ATP11C: variants seen among roughly 807,000 people sequenced by gnomAD.
The protein encoded by ATP11C is ATPase phospholipid transporting 11C (ATP11C blood group), also known as phospholipid-transporting ATPase IG.
In ATP11C, 36 loss-of-function variants were observed where a neutral mutation model predicts 97.4. The ratio of observed to expected loss-of-function variants is 0.37; its 90% CI spans 0.28 to 0.49. ATP11C has a LOEUF of 0.49. ATP11C is among the 20% of genes least tolerant of loss of function. ATP11C has a pLI of 0.98. For missense variants in ATP11C, 730 were observed against 824.6 expected (o/e 0.89, Z 1.40); for synonymous variants, 275 against 290.9 (o/e 0.95, Z 0.56).
In ATP11C at chrX:139,932,683, C is replaced by G. The variant is rs1321878425; in HGVS notation, c.-641G>C. 1.8e-5 allele frequency: 2 copies of G among 112,657 alleles called. No homozygotes were observed. Among genetic ancestry groups the G allele is most frequent in the Non-Finnish European group, 3.7e-5 (2 of 53,477 alleles). 9.3% of individuals were successfully genotyped at this position (112,657 alleles called of 1,213,427 possible). A position where few individuals can be genotyped will look rare whatever the true frequency, so the allele number is the denominator to read the frequency against. On this transcript the variant is annotated 5_prime_UTR_variant, in exon 1 of 30. Coordinates refer to ENST00000682941, the MANE Select transcript of ATP11C (RefSeq NM_001353812.2). Reference sequence around the variant, plus strand: ...CGCCGTTTCGCTCGCAGCCCCTCCTCGGTCCGCGGCTGCCGCGCCGCCCCG... The same window carrying G: ...CGCCGTTTCGCTCGCAGCCCCTCCTGGGTCCGCGGCTGCCGCGCCGCCCCG...
intron 2 of ATP11C, among the ~76,000 whole-genome samples, chrX:139,824,502 C>G (rs908999633): frequency 9.0e-6 from 1 of 111,436 alleles, no homozygotes; most frequent in Non-Finnish European, 1.9e-5. Flanking sequence ...CCTGGCTAAC[C>G]CAGTGAAACC....
chrX:139,766,971 G>A (rs1241437207), intron 20 of ATP11C, among the ~76,000 whole-genome samples: 1 of 111,380 alleles, frequency 9.0e-6, no homozygotes, highest in Non-Finnish European at 1.9e-5. Flanking sequence ...GTTGCCCTGA[G>A]CATGACATAT....
At position 139,763,372 on chromosome X, in the gene ATP11C, G is replaced by GAC; in HGVS notation, c.2436_2437dup (p.Ser813CysfsTer3). ...AACATCATTGGCACCATCACCTATC[G>GAC]ACAGAGTTATTGGGCTGCCTTTTAA... is the stretch of plus-strand genomic sequence containing the variant. On this transcript the variant is annotated frameshift_variant, in exon 21 of 30. Transcript: ENST00000682941. LOFTEE classifies it high-confidence loss of function. The GAC allele has an allele frequency of 8.3e-7, 1 of 1,210,114 alleles. No individual in the cohort carries two copies. Among genetic ancestry groups the GAC allele is most frequent in the Non-Finnish European group, 1.1e-6 (1 of 894,022 alleles).
At chrX:139,793,372 T>C (rs1383923912) in intron 12 of ATP11C, among the ~76,000 whole-genome samples, 1 of 112,002 alleles carries the variant, frequency 8.9e-6, no homozygotes, top group African/African-American at 3.2e-5. Flanking sequence ...GTCAAGAATA[T>C]AGATTTACAT....
intron 1 of ATP11C, among the ~76,000 whole-genome samples, chrX:139,873,365 T>G (rs2084407982): frequency 9.0e-6 from 1 of 111,660 alleles, no homozygotes; most frequent in African/African-American, 3.3e-5. Flanking sequence ...TTGTGATGGT[T>G]GCACAATAGT....
At position 139,757,833 on chromosome X, in the gene ATP11C, TG is replaced by T; in HGVS notation, c.2674del (p.Gln892SerfsTer44). On this transcript the variant is annotated frameshift_variant, in exon 23 of 30. Transcript: ENST00000682941. LOFTEE classifies it high-confidence loss of function. ...CTGTTGTGAGAATCCACAGAAGAAC[TG>T]GTACAAAAACTGTGGCAAAATGAAA... The part of the protein sequence containing the change: ...LCFILPQFLY[Q>X]FFCGFSQQPL... 1 of 1,191,192 alleles carries T rather than the reference TG, an allele frequency of 8.4e-7. No homozygotes were observed. The highest frequency in any genetic ancestry group is 2.3e-5 in the Admixed American group (1 of 44,362).
intron 23 of ATP11C, 53 bp from the exon 24 acceptor site, chrX:139,750,205 A>T: frequency 1.9e-6 from 2 of 1,074,849 alleles, no homozygotes; most frequent in Non-Finnish European, 2.5e-6. Context: ...ACAATCATCT[A>T]CAAGATGATA....
chrX:139,745,937 A>G (rs2081675143), intron 24 of ATP11C, 80 bp from the exon 25 acceptor site: 3 of 1,058,606 alleles, frequency 2.8e-6, no homozygotes, highest in Non-Finnish European at 3.8e-6. Flanking sequence ...GTGGGCGTGG[A>G]ATTTGACCCT....
chrX:139,901,025 C>G (rs2084891547), intron 1 of ATP11C, among the ~76,000 whole-genome samples: 1 of 111,541 alleles, frequency 9.0e-6, no homozygotes, highest in East Asian at 2.8e-4. Context: ...AAAAACAGAT[C>G]CACTCAGTGG....
chrX:139,822,526 GC>G (rs1218648998), intron 2 of ATP11C, among the ~76,000 whole-genome samples: 1 of 111,460 alleles, frequency 9.0e-6, no homozygotes, highest in Non-Finnish European at 1.9e-5. Context: ...CGATTCTCCT[GC>G]CTCAGCGTCC....
chrX:139,732,480 G>C (rs748314547), intron 28 of ATP11C: 1 of 366,533 alleles, frequency 2.7e-6, no homozygotes. Context: ...GTTTGAGAAA[G>C]CATGAAGATA....
intron 1 of ATP11C, among the ~76,000 whole-genome samples, chrX:139,856,329 A>C (rs1025897165): frequency 1.8e-5 from 2 of 112,939 alleles, no homozygotes; most frequent in African/African-American, 6.4e-5. Flanking sequence ...TCCCAACACT[A>C]GGTTCACTTC....
At chrX:139,832,217 A>G in intron 1 of ATP11C, 1 of 1,207,166 alleles carries the variant, frequency 8.3e-7, no homozygotes, top group Non-Finnish European at 1.1e-6. Context: ...TGGCAACACA[A>G]TGGCAGCTAA....
chrX:139,766,977 C>A (rs2082152060), intron 20 of ATP11C, among the ~76,000 whole-genome samples: 1 of 111,366 alleles, frequency 9.0e-6, no homozygotes, highest in Non-Finnish European at 1.9e-5. Context: ...CTGAGCATGA[C>A]ATATGGAAGA....
At chrX:139,802,369 C>A (rs1373188358) in intron 6 of ATP11C, 30 bp from the exon 7 acceptor site, 3 of 1,018,154 alleles carry the variant, frequency 2.9e-6, no homozygotes, top group Admixed American at 4.6e-5. Flanking sequence ...AAAGTGAAAA[C>A]CAAAAAAACT....
At chrX:139,864,035 T>C (rs1314834053) in intron 1 of ATP11C, among the ~76,000 whole-genome samples, 6 of 110,393 alleles carry the variant, frequency 5.4e-5, no homozygotes, top group African/African-American at 9.9e-5. Context: ...CTGCACTCCA[T>C]CCAGTCTGGG....
upstream of ATP11C, among the ~76,000 whole-genome samples, chrX:139,934,107 G>C (rs2085493993): frequency 1.8e-5 from 2 of 112,014 alleles, no homozygotes; most frequent in South Asian, 7.5e-4. Flanking sequence ...AGGGTAGAGG[G>C]AGAGGTCGGT....
At chrX:139,746,451 A>G (rs1036228487) in intron 24 of ATP11C, among the ~76,000 whole-genome samples, 3 of 112,049 alleles carry the variant, frequency 2.7e-5, no homozygotes, top group Non-Finnish European at 5.6e-5. Flanking sequence ...GCCGTGCCAA[A>G]GTTCACTTGG....
intron 1 of ATP11C, among the ~76,000 whole-genome samples, chrX:139,839,022 C>T (rs972615222): frequency 1.1e-4 from 12 of 111,056 alleles, no homozygotes; most frequent in Non-Finnish European, 2.1e-4. Context: ...TATATCCATA[C>T]AATGAAATAT....
Sources: allele counts gnomAD v4.1 joint callset (sites outside exome capture counted in the v4.1 genomes callset), GRCh38; gene constraint gnomAD v4.1.1; transcripts MANE v1.5; gene names NCBI Gene and HGNC (gene_info 2026-07-23, HGNC 2026-07-21).